The following MAJIN variants were observed in gnomAD, a reference collection of about 807,000 sequenced individuals.
MAJIN encodes the protein membrane anchored junction protein.
In MAJIN, 27 loss-of-function variants were observed where a neutral mutation model predicts 30.2. The observed-to-expected ratio is 0.89, with a 90% confidence interval of 0.66 to 1.23. The LOEUF (loss-of-function observed/expected upper bound fraction) is 1.23, where lower values mean the gene tolerates loss of function less well. Among genes scored for constraint, MAJIN ranks in the 50% most tolerant of loss-of-function variants. The pLI, the probability that MAJIN is intolerant of heterozygous loss-of-function variation, is 0.00. For synonymous variants in MAJIN, 78 were observed against 91.6 expected (o/e 0.85, Z 0.85); for missense variants, 253 against 260.3 (o/e 0.97, Z 0.19).
chr11:64,953,962 AGAGTTTT>A (rs918469623), intron 4 of MAJIN: 3 of 152,902 alleles, frequency 2.0e-5, no homozygotes, highest in African/African-American at 7.2e-5. Context: ...TTGGTTTCAC[AGAGTTTT>A]GTGTTTAAGT....
intron 4 of MAJIN, 98 bp from the exon 5 acceptor site, chr11:64,950,528 A>C: frequency 2.0e-6 from 2 of 982,358 alleles, no homozygotes; most frequent in Non-Finnish European, 3.1e-6. Context: ...ACACTATCAA[A>C]ACTGAACTAT....
chr11:64,966,165 AGC>A (rs1344428191), intron 1 of MAJIN, among the ~76,000 whole-genome samples: 16 of 150,264 alleles, frequency 1.1e-4, no homozygotes, highest in South Asian at 2.1e-4. Context: ...AAAAAAAAAA[AGC>A]AGCAGCAGCA....
chr11:64,938,406 T>G lies in MAJIN; in HGVS notation c.*169A>C, dbSNP rs1945319086. The G allele has an allele frequency of 1.8e-6, 2 of 1,129,150 alleles. No individual in the cohort carries two copies. Among genetic ancestry groups the G allele is most frequent in the Middle Eastern group, 4.2e-4 (2 of 4,720 alleles). 69.9% of individuals were successfully genotyped at this position (1,129,150 alleles called of 1,614,324 possible). ...CGATAAAACCACAGAGGACTCAGCA[T>G]GGGGACCTCATTCCCCACGACTGAA... On this transcript the variant is annotated 3_prime_UTR_variant, in exon 11 of 11. Transcript: ENST00000301896.
At chr11:64,953,971 T>G (rs1394788905) in intron 4 of MAJIN, 1 of 152,964 alleles carries the variant, frequency 6.5e-6, no homozygotes, top group African/African-American at 2.4e-5. Flanking sequence ...CAGAGTTTTG[T>G]GTTTAAGTGT....
chr11:64,945,981 G>A (rs1007338478), intron 8 of MAJIN: 16 of 1,143,914 alleles, frequency 1.4e-5, no homozygotes, highest in South Asian at 3.5e-5. Flanking sequence ...CAATCTGCAC[G>A]AAAAACCAAG....
At chr11:64,946,245 G>T in intron 8 of MAJIN, 1 of 1,370,562 alleles carries the variant, frequency 7.3e-7, no homozygotes, top group Non-Finnish European at 9.7e-7. Context: ...TATTTCAGCA[G>T]GTTGGCTATT....
chr11:64,949,903 C>T (rs759313336), intron 5 of MAJIN, 35 bp from the exon 6 acceptor site: 3 of 1,596,436 alleles, frequency 1.9e-6, no homozygotes, highest in East Asian at 2.2e-5. Flanking sequence ...GGAAAGATGC[C>T]AGTATGCATT....
In MAJIN at chr11:64,938,409, G is replaced by T; in HGVS notation, c.*166C>A. 1 of 1,155,818 alleles carries T rather than the reference G, an allele frequency of 8.7e-7. No individual in the cohort carries two copies. The allele number at this position is 1,155,818 out of a possible 1,614,324, so 71.6% of individuals were successfully genotyped here. ...TAAAACCACAGAGGACTCAGCATGG[G>T]GACCTCATTCCCCACGACTGAAGTG... On this transcript the variant is annotated 3_prime_UTR_variant, in exon 11 of 11. Transcript: ENST00000301896.
intron 8 of MAJIN, among the ~76,000 whole-genome samples, chr11:64,942,315 G>A (rs1431677629): frequency 6.6e-6 from 1 of 151,874 alleles, no homozygotes; most frequent in Non-Finnish European, 1.5e-5. Context: ...TGGGGAGTGA[G>A]TGGTGTCTGG....
chr11:64,971,484 G>A (rs939188328), intron 1 of MAJIN, among the ~76,000 whole-genome samples: 3 of 151,678 alleles, frequency 2.0e-5, no homozygotes, highest in Non-Finnish European at 4.4e-5. Context: ...GGAAGGAGGA[G>A]GAGGAGGAGG....
intron 1 of MAJIN, among the ~76,000 whole-genome samples, 167 bp from the exon 2 acceptor site, chr11:64,960,302 T>G (rs1945702572): frequency 6.6e-6 from 1 of 152,174 alleles, no homozygotes; most frequent in African/African-American, 2.4e-5. Context: ...GGGCCCAAAA[T>G]AAAGAGAATC....
At chr11:64,959,093 CAAAAAAAA>C (rs34562472) in intron 3 of MAJIN, among the ~76,000 whole-genome samples, 15 of 53,582 alleles carry the variant, frequency 2.8e-4, no homozygotes, top group African/African-American at 4.7e-4. Flanking sequence ...TGCTTCTCTT[CAAAAAAAA>C]AAAAAAAAAA....
intron 4 of MAJIN, 118 bp from the exon 5 acceptor site, chr11:64,950,548 C>A: frequency 1.2e-6 from 1 of 807,328 alleles, no homozygotes; most frequent in Non-Finnish European, 2.0e-6. Context: ...TTTGCTGTTC[C>A]TTTAACACGT....
At chr11:64,947,559 G>A in intron 7 of MAJIN, 94 bp from the exon 8 acceptor site, 3 of 1,299,078 alleles carry the variant, frequency 2.3e-6, no homozygotes, top group South Asian at 1.3e-5. Context: ...TCCTTAAACT[G>A]CCAAAGGCAA....
At chr11:64,953,332 G>A (rs2136770246) in intron 4 of MAJIN, among the ~76,000 whole-genome samples, 1 of 152,232 alleles carries the variant, frequency 6.6e-6, no homozygotes, top group South Asian at 2.1e-4. Context: ...ATAAATATTA[G>A]CTATTATAAT....
chr11:64,969,478 A>C (rs1471843517), intron 1 of MAJIN, among the ~76,000 whole-genome samples: 3 of 151,608 alleles, frequency 2.0e-5, no homozygotes, highest in Admixed American at 1.3e-4. Flanking sequence ...CGACATGACC[A>C]GATGGCTGTG....
intron 1 of MAJIN, among the ~76,000 whole-genome samples, chr11:64,963,101 T>A (rs758988236): frequency 4.6e-5 from 7 of 152,058 alleles, no homozygotes; most frequent in Non-Finnish European, 1.0e-4. Flanking sequence ...CACTCCAGCA[T>A]GGGGGACAGA....
intron 1 of MAJIN, among the ~76,000 whole-genome samples, chr11:64,965,149 T>C (rs1461340496): frequency 6.6e-6 from 1 of 152,214 alleles, no homozygotes; most frequent in African/African-American, 2.4e-5. Flanking sequence ...TACTTCCATG[T>C]TTATTGACAT....
intron 6 of MAJIN, 110 bp from the exon 7 acceptor site, chr11:64,947,929 G>A (rs1945476827): frequency 1.0e-5 from 10 of 969,032 alleles, no homozygotes; most frequent in Non-Finnish European, 1.3e-5. Context: ...GTGCGATCTC[G>A]GCTCACTGCA....
Sources: gnomAD v4.1 joint callset for allele counts (sites outside exome capture counted in the v4.1 genomes callset) on GRCh38, gnomAD v4.1.1 for gene constraint, MANE v1.5 for transcripts, NCBI Gene and HGNC (gene_info 2026-07-23, HGNC 2026-07-21) for gene names.